Variants in GOLGA5 observed in about 807,000 individuals in gnomAD.
The protein encoded by GOLGA5 is golgin subfamily A member 5.
Under a neutral mutation model 93.5 loss-of-function variants are expected in GOLGA5, and 50 were observed. That is an observed-to-expected ratio of 0.53 (90% CI 0.43 to 0.68). GOLGA5 has a LOEUF of 0.68. Among genes scored for constraint, GOLGA5 ranks in the 30% least tolerant of loss-of-function variants. GOLGA5 has a pLI of 0.00. For synonymous variants in GOLGA5, 312 were observed against 304.5 expected, an observed-to-expected ratio of 1.02 and a Z score of -0.26; for missense variants, 760 against 856.4, an observed-to-expected ratio of 0.89 and a Z score of 1.40.
intron 10 of GOLGA5, among the ~76,000 whole-genome samples, chr14:92,834,392 T>A (rs1423876938): frequency 1.3e-5 from 2 of 151,888 alleles, no homozygotes; most frequent in African/African-American, 4.8e-5. Context: ...AGTGTGATGT[T>A]CCCCTTCCTG....
chr14:92,809,033 G>T (rs1050600525), intron 3 of GOLGA5, among the ~76,000 whole-genome samples: 8 of 151,946 alleles, frequency 5.3e-5, no homozygotes, highest in Admixed American at 5.2e-4. Flanking sequence ...TACTAGTTTC[G>T]GCTCCCAGAT....
In GOLGA5 at chr14:92,819,951, A is replaced by T; in HGVS notation, c.1620+115A>T. 7 of 886,622 alleles carry T rather than the reference A, an allele frequency of 7.9e-6. 1 individual carries two copies. The South Asian group carries it at 1.2e-4, about 16-fold the overall frequency. 54.9% of individuals were successfully genotyped at this position (886,622 alleles called of 1,614,324 possible). A position where few individuals can be genotyped will look rare whatever the true frequency, so the allele number is the denominator to read the frequency against. Reference sequence around the variant, plus strand: ...TAGAGTATGGGCTTAGGGTTACCCCACAAGTTCCTCCTGCCTTCCCATCTC... The same window carrying T: ...TAGAGTATGGGCTTAGGGTTACCCCTCAAGTTCCTCCTGCCTTCCCATCTC... On this transcript the variant is annotated intron_variant, in intron 8 of 12. Coordinates refer to ENST00000163416, the MANE Select transcript of GOLGA5 (RefSeq NM_005113.4).
chr14:92,816,573 TCTC>T (rs1453203390), intron 7 of GOLGA5, 152 bp downstream of exon 7: 1 of 629,964 alleles, frequency 1.6e-6, no homozygotes, highest in African/African-American at 1.8e-5. Context: ...CTCTTCCTCT[TCTC>T]TTCTTTTGGA....
Position 92,832,682 on chromosome 14 carries a change from C to T in GOLGA5, c.1720-440C>T, listed in dbSNP as rs187162372. On this transcript the variant is annotated intron_variant, in intron 9 of 12. Coordinates refer to ENST00000163416, the MANE Select transcript of GOLGA5 (RefSeq NM_005113.4). ...TCAGAGTGTGATCTTTGCACTGCAC[C>T]GTAACTGTTGAATGACGGAGGCTTT... Among the ~76,000 whole-genome samples the T allele has an allele frequency of 2.0e-4, 30 of 152,246 alleles. No individual in the cohort carries two copies. The South Asian group carries it at 3.1e-3, about 16-fold the overall frequency.
chr14:92,832,823 C>T (rs1885558198), intron 9 of GOLGA5, among the ~76,000 whole-genome samples: 1 of 152,204 alleles, frequency 6.6e-6, no homozygotes, highest in African/African-American at 2.4e-5. Flanking sequence ...CTGACATGCA[C>T]TTACATGTAC....
At chr14:92,820,477 G>A (rs1438707040) in intron 8 of GOLGA5, among the ~76,000 whole-genome samples, 34 of 152,184 alleles carry the variant, frequency 2.2e-4, no homozygotes, top group Admixed American at 2.2e-3. Context: ...GTTCCCATGG[G>A]CAGGCAGGAG....
chr14:92,838,126 GC>G (rs1475863351), intron 12 of GOLGA5, among the ~76,000 whole-genome samples: 1 of 152,134 alleles, frequency 6.6e-6, no homozygotes, highest in Non-Finnish European at 1.5e-5. Flanking sequence ...TTCTAAAAGA[GC>G]CTCAAGATTG....
chr14:92,814,850 T>C (rs771455076), intron 6 of GOLGA5, among the ~76,000 whole-genome samples: 1 of 152,166 alleles, frequency 6.6e-6, no homozygotes, highest in Non-Finnish European at 1.5e-5. Context: ...TCAGAAAACA[T>C]TGAGAGGGTC....
intron 2 of GOLGA5, among the ~76,000 whole-genome samples, chr14:92,800,929 C>A (rs1310656169): frequency 2.0e-5 from 3 of 152,194 alleles, no homozygotes; most frequent in African/African-American, 7.2e-5. Context: ...AAAATTGTTT[C>A]TCTTGGGTAG....
chr14:92,830,407 AT>A (rs35482590), intron 9 of GOLGA5, among the ~76,000 whole-genome samples: 26 of 147,992 alleles, frequency 1.8e-4, no homozygotes, highest in Non-Finnish European at 2.5e-4. Context: ...TGTGACTGGT[AT>A]TTTTTTTTTT....
intron 12 of GOLGA5, among the ~76,000 whole-genome samples, chr14:92,838,373 GTTT>G (rs3831877): frequency 1.3e-5 from 2 of 148,750 alleles, no homozygotes; most frequent in Non-Finnish European, 3.0e-5. Context: ...GTTTTGTGTT[GTTT>G]TTTTTTTCTG....
chr14:92,822,691 C>CTT (rs1218888163), intron 8 of GOLGA5, among the ~76,000 whole-genome samples: 2 of 152,156 alleles, frequency 1.3e-5, no homozygotes, highest in African/African-American at 4.8e-5. Flanking sequence ...GAGTGTCGCT[C>CTT]TGTTGCCCAG....
At chr14:92,805,383 C>G (rs955849927) in intron 2 of GOLGA5, among the ~76,000 whole-genome samples, 1 of 151,998 alleles carries the variant, frequency 6.6e-6, no homozygotes, top group East Asian at 1.9e-4. Context: ...CACAGTTTAT[C>G]TATTCTCTTT....
At chr14:92,804,907 A>G (rs1419816613) in intron 2 of GOLGA5, among the ~76,000 whole-genome samples, 1 of 152,016 alleles carries the variant, frequency 6.6e-6, no homozygotes, top group Non-Finnish European at 1.5e-5. Context: ...CAGCCTCCCA[A>G]AGTGCTGGGA....
chr14:92,823,821 A>T (rs1885363320), intron 8 of GOLGA5, among the ~76,000 whole-genome samples: 1 of 151,878 alleles, frequency 6.6e-6, no homozygotes. Flanking sequence ...CAGACTTATG[A>T]ATTAATTAGA....
intron 8 of GOLGA5, among the ~76,000 whole-genome samples, chr14:92,822,153 A>G (rs1160146126): frequency 1.3e-5 from 2 of 152,248 alleles, no homozygotes; most frequent in African/African-American, 4.8e-5. Flanking sequence ...AAGAAATCAG[A>G]CAAACCTTGT....
At position 92,809,479 on chromosome 14, in the gene GOLGA5, C is replaced by T. The variant is rs369757501; in HGVS notation, c.952C>T (p.Arg318Cys). The T allele has an allele frequency of 2.1e-5, 34 of 1,613,324 alleles. 1 individual carries two copies. The African/African-American group carries it at 3.2e-4, about 15-fold the overall frequency. Residue 318 changes from arginine to cysteine, a missense_variant, in exon 4 of 13, where the codon CGC (arginine) becomes TGC (cysteine). Coordinates refer to ENST00000163416, the MANE Select transcript of GOLGA5 (RefSeq NM_005113.4). ...LQEADQLLST[R>C]TEALEALQSE... is the part of the protein sequence containing the mutation. ...GGAAGCTGACCAGCTACTGAGTACTCGCACAGAAGCATTAGAAGCCTTACA... is the reference window on the plus strand; with the variant it reads ...GGAAGCTGACCAGCTACTGAGTACTTGCACAGAAGCATTAGAAGCCTTACA...
Position 92,815,061 on chromosome 14 carries a change from T to C in GOLGA5, c.1321-1190T>C, listed in dbSNP as rs1349601433. ...GCCTCCTAAAATGCATCTCTAGTCA[T>C]GTCACTCCTCTCTCTACTTTTTGGT... On this transcript the variant is annotated intron_variant, in intron 6 of 12. Coordinates refer to ENST00000163416, the MANE Select transcript of GOLGA5 (RefSeq NM_005113.4). Among the ~76,000 whole-genome samples the C allele has an allele frequency of 1.3e-5, 2 of 152,208 alleles. 1 individual carries two copies. The highest frequency in any genetic ancestry group is 1.3e-4 in the Admixed American group (2 of 15,286).
intron 2 of GOLGA5, among the ~76,000 whole-genome samples, chr14:92,804,937 C>T (rs1164200787): frequency 2.0e-5 from 3 of 152,170 alleles, no homozygotes; most frequent in South Asian, 2.1e-4. Context: ...TGAGCCACCA[C>T]GCCCTGCCAA....
Sources: gnomAD v4.1 joint callset for allele counts (sites outside exome capture counted in the v4.1 genomes callset) on GRCh38, gnomAD v4.1.1 for gene constraint, MANE v1.5 for transcripts, NCBI Gene and HGNC (gene_info 2026-07-23, HGNC 2026-07-21) for gene names.